SBF2: variants seen among roughly 807,000 people sequenced by gnomAD.
SBF2 encodes SET binding factor 2.
In SBF2, 112 loss-of-function variants were observed where a neutral mutation model predicts 225.2. The observed-to-expected ratio is 0.50, with a 90% confidence interval of 0.43 to 0.58. The LOEUF (loss-of-function observed/expected upper bound fraction) is 0.58. Among genes scored for constraint, SBF2 ranks in the 20% least tolerant of loss-of-function variants. The probability of loss-of-function intolerance (pLI) is 0.00; values close to 1 mark genes in which losing one functional copy is unlikely to be tolerated. For synonymous variants in SBF2, 763 were observed against 773.3 expected (o/e 0.99, Z 0.22); for missense variants, 1,996 against 2,206.2 (o/e 0.90, Z 1.91).
chr11:10,104,647 C>G (rs1952471815), intron 2 of SBF2, among the ~76,000 whole-genome samples: 1 of 152,142 alleles, frequency 6.6e-6, no homozygotes, highest in African/African-American at 2.4e-5. Context: ...AAACTGTAAG[C>G]ATTAAACAGT....
Position 9,850,110 on chromosome 11 carries a change from C to T in SBF2, c.2719G>A (p.Gly907Arg). Residue 907 changes from glycine to arginine, a missense_variant, in exon 22 of 40, where the codon GGA (glycine) becomes AGA (arginine). Physicochemically the swap from Gly to Arg is moderately radical, Grantham distance 125. Coordinates refer to ENST00000256190, the MANE Select transcript of SBF2 (RefSeq NM_030962.4). ...TCTGCTGGCAGGAGCTGAGGGCCTCCAAGAAGACCTCCAGTAGCTTCTTCT... is the reference window on the plus strand; with the variant it reads ...TCTGCTGGCAGGAGCTGAGGGCCTCTAAGAAGACCTCCAGTAGCTTCTTCT... ...GREEATGGLL[G>R]GPQLLPAEGA... 1.9e-6 allele frequency: 3 copies of T among 1,614,066 alleles called. No homozygotes were observed. The highest frequency in any genetic ancestry group is 2.5e-6 in the Non-Finnish European group (3 of 1,179,962).
chr11:9,899,063 AAAC>A (rs937656538), intron 16 of SBF2, among the ~76,000 whole-genome samples: 8 of 151,912 alleles, frequency 5.3e-5, no homozygotes, highest in African/African-American at 9.7e-5. Flanking sequence ...ATTAAAAAAA[AAAC>A]AACAACAAAA....
intron 2 of SBF2, among the ~76,000 whole-genome samples, chr11:10,182,886 G>A (rs893450843): frequency 2.0e-5 from 3 of 151,726 alleles, no homozygotes; most frequent in South Asian, 2.1e-4. Context: ...TGATTCTCCC[G>A]CCTCAGCCTC....
At chr11:9,873,704 T>C (rs1197029261) in intron 17 of SBF2, among the ~76,000 whole-genome samples, 1 of 152,212 alleles carries the variant, frequency 6.6e-6, no homozygotes, top group Non-Finnish European at 1.5e-5. Flanking sequence ...CATTTAGTAG[T>C]TCAGCACTAT....
At chr11:9,926,168 C>G (rs927583970) in intron 16 of SBF2, among the ~76,000 whole-genome samples, 2 of 151,998 alleles carry the variant, frequency 1.3e-5, no homozygotes, top group African/African-American at 4.8e-5. Context: ...GTTTTTTTCC[C>G]TTTTCACATT....
intron 6 of SBF2, among the ~76,000 whole-genome samples, chr11:10,005,483 G>A (rs1459188807): frequency 6.6e-6 from 1 of 152,078 alleles, no homozygotes; most frequent in Non-Finnish European, 1.5e-5. Context: ...TGTCTGCTTG[G>A]CCCTCTTCCA....
chr11:9,996,530 C>A (rs1302122012), intron 9 of SBF2, among the ~76,000 whole-genome samples: 1 of 152,164 alleles, frequency 6.6e-6, no homozygotes, highest in Admixed American at 6.5e-5. Flanking sequence ...GCTGGGATTA[C>A]AGGCGTGCGC....
rs375560902 is a variant in SBF2 at position 10,193,987 on chromosome 11, C to A, written c.56G>T (p.Gly19Val). Residue 19 changes from glycine (G) to valine (V), a missense_variant and splice_region_variant, in exon 2 of 40, where the codon GGA (glycine) becomes GTA (valine). Transcript: ENST00000256190. ...TATTTTCCCCAGACCTTCTCCTGAT[C>A]CTGTTAATAAAATCAAAGTGAATCA... ...IVVGYDHEKP[G>V]SGEGLGKIIQ... 6.9e-6 allele frequency: 11 copies of A among 1,600,406 alleles called. No individual in the cohort carries two copies. The African/African-American group carries it at 1.5e-4, about 21-fold the overall frequency.
intron 2 of SBF2, among the ~76,000 whole-genome samples, chr11:10,127,718 TA>T (rs1336467166): frequency 6.6e-6 from 1 of 152,106 alleles, no homozygotes; most frequent in African/African-American, 2.4e-5. Context: ...GAAAGCACCT[TA>T]AGAGATAGGG....
intron 39 of SBF2, chr11:9,780,875 G>T: frequency 3.0e-6 from 1 of 337,650 alleles, no homozygotes; most frequent in Non-Finnish European, 5.7e-6. Context: ...TTGTGCTCCA[G>T]GGGGATGCCT....
At chr11:9,891,305 A>G (rs1661130624) in intron 17 of SBF2, among the ~76,000 whole-genome samples, 1 of 152,202 alleles carries the variant, frequency 6.6e-6, no homozygotes, top group African/African-American at 2.4e-5. Flanking sequence ...TAACCTTTAG[A>G]CATGAACCCC....
intron 6 of SBF2, 28 bp from the exon 7 acceptor site, chr11:10,002,717 A>G (rs1169745473): frequency 6.2e-7 from 1 of 1,607,254 alleles, no homozygotes; most frequent in African/African-American, 1.3e-5. Flanking sequence ...AGGACTTACA[A>G]ATGCATTTAA....
At chr11:10,168,185 T>C (rs1374248391) in intron 2 of SBF2, among the ~76,000 whole-genome samples, 2 of 152,214 alleles carry the variant, frequency 1.3e-5, no homozygotes, top group Admixed American at 6.5e-5. Context: ...AGCTTTTATC[T>C]GGTTTACAGC....
intron 4 of SBF2, among the ~76,000 whole-genome samples, 182 bp from the exon 5 acceptor site, chr11:10,030,057 C>T (rs2134632965): frequency 6.6e-6 from 1 of 152,314 alleles, no homozygotes; most frequent in Non-Finnish European, 1.5e-5. Context: ...CCAGAACCCC[C>T]AAATGAGCTT....
intron 15 of SBF2, among the ~76,000 whole-genome samples, chr11:9,962,849 G>A (rs760796879): frequency 5.3e-5 from 8 of 152,128 alleles, no homozygotes; most frequent in Non-Finnish European, 7.4e-5. Flanking sequence ...ATAAGAAATA[G>A]GATGTGAAAG....
At chr11:10,240,094 A>G (rs1296688363) in intron 1 of SBF2, among the ~76,000 whole-genome samples, 2 of 152,146 alleles carry the variant, frequency 1.3e-5, no homozygotes, top group Admixed American at 6.5e-5. Context: ...AGATTCTGCA[A>G]TGTGTCCCAA....
intron 1 of SBF2, among the ~76,000 whole-genome samples, chr11:10,226,346 A>G (rs1168123729): frequency 6.6e-6 from 1 of 152,084 alleles, no homozygotes; most frequent in Non-Finnish European, 1.5e-5. Context: ...TATTATTATT[A>G]TAGTTTAAGT....
chr11:10,125,401 T>G (rs995351354), intron 2 of SBF2, among the ~76,000 whole-genome samples: 1 of 152,154 alleles, frequency 6.6e-6, no homozygotes, highest in Non-Finnish European at 1.5e-5. Flanking sequence ...GTGAGATGCT[T>G]TCTATATTTT....
chr11:10,192,261 C>T (rs764747985), intron 2 of SBF2, among the ~76,000 whole-genome samples: 2 of 152,100 alleles, frequency 1.3e-5, no homozygotes, highest in Non-Finnish European at 2.9e-5. Context: ...ATTCCTTCCC[C>T]ATTTTTAATG....
Sources: allele counts gnomAD v4.1 joint callset (sites outside exome capture counted in the v4.1 genomes callset), GRCh38; gene constraint gnomAD v4.1.1; transcripts MANE v1.5; gene names NCBI Gene and HGNC (gene_info 2026-07-23, HGNC 2026-07-21).